Variants in SNAP91 observed in about 807,000 individuals in gnomAD.
The protein encoded by SNAP91 is clathrin coat assembly protein AP180.
Under a neutral mutation model 100.3 loss-of-function variants are expected in SNAP91, and 27 were observed. That is an observed-to-expected ratio of 0.27 (90% CI 0.20 to 0.37). The LOEUF is 0.37. SNAP91 is among the 10% of genes least tolerant of loss of function. The pLI is 1.00. For missense variants in SNAP91, 986 were observed against 1,123.7 expected, an observed-to-expected ratio of 0.88 and a Z score of 1.75; for synonymous variants, 404 against 398.6, an observed-to-expected ratio of 1.01 and a Z score of -0.16.
At chr6:83,590,117 G>A (rs1031973971) in intron 22 of SNAP91, among the ~76,000 whole-genome samples, 2 of 152,080 alleles carry the variant, frequency 1.3e-5, no homozygotes, top group Admixed American at 6.6e-5. Context: ...TGTGGTGACT[G>A]TGGAGGGGCC....
At chr6:83,578,113 T>C (rs991545520) in intron 24 of SNAP91, among the ~76,000 whole-genome samples, 1 of 152,166 alleles carries the variant, frequency 6.6e-6, no homozygotes, top group African/African-American at 2.4e-5. Context: ...TTTTTATCCA[T>C]TCATCAAGTG....
chr6:83,583,405 C>T (rs1831292499), intron 22 of SNAP91, among the ~76,000 whole-genome samples: 1 of 152,162 alleles, frequency 6.6e-6, no homozygotes, highest in Admixed American at 6.5e-5. Flanking sequence ...ATGAAGGACA[C>T]TTTTGAATAT....
chr6:83,706,253 G>A (rs138883168), intron 2 of SNAP91, among the ~76,000 whole-genome samples: 65 of 152,270 alleles, frequency 4.3e-4, no homozygotes, highest in Admixed American at 1.0e-3. Context: ...TTATTATGAG[G>A]ATTTTCTAGA....
intron 26 of SNAP91, among the ~76,000 whole-genome samples, chr6:83,571,911 G>C (rs749780135): frequency 6.6e-6 from 1 of 152,130 alleles, no homozygotes; most frequent in Non-Finnish European, 1.5e-5. Flanking sequence ...TCTGGTGATA[G>C]TGAGTAAGTC....
intron 22 of SNAP91, among the ~76,000 whole-genome samples, chr6:83,585,474 A>C (rs944660493): frequency 3.3e-5 from 5 of 151,788 alleles, no homozygotes; most frequent in African/African-American, 1.2e-4. Context: ...GGCTGCAGTG[A>C]GCTATGTTCA....
At chr6:83,617,588 C>T (rs1289815413) in intron 9 of SNAP91, among the ~76,000 whole-genome samples, 2 of 151,120 alleles carry the variant, frequency 1.3e-5, no homozygotes, top group Non-Finnish European at 3.0e-5. Flanking sequence ...TATTATTGAC[C>T]TATTTATATA....
intron 20 of SNAP91, 68 bp from the exon 21 acceptor site, chr6:83,592,606 A>C (rs2093926278): frequency 7.9e-7 from 1 of 1,265,678 alleles, no homozygotes; most frequent in African/African-American, 1.5e-5. Context: ...GAGCCTTGAC[A>C]AATGGCATCT....
intron 26 of SNAP91, 113 bp downstream of exon 26, chr6:83,574,897 A>G (rs1351353479): frequency 7.7e-6 from 5 of 645,886 alleles, no homozygotes; most frequent in Admixed American, 6.2e-5. Flanking sequence ...TATTTCTTCA[A>G]TGCAGAGGAA....
intron 2 of SNAP91, among the ~76,000 whole-genome samples, chr6:83,674,694 C>A (rs1461871665): frequency 6.6e-6 from 1 of 152,074 alleles, no homozygotes; most frequent in Non-Finnish European, 1.5e-5. Context: ...AGAGCCCTTT[C>A]TAAGTTCAGT....
At chr6:83,650,855 CT>C (rs2098172207) in intron 7 of SNAP91, among the ~76,000 whole-genome samples, 2 of 152,154 alleles carry the variant, frequency 1.3e-5, no homozygotes, top group Non-Finnish European at 2.9e-5. Context: ...CACTTAAATG[CT>C]TGGTAGAATT....
chr6:83,707,664 A>T (rs2099398737), intron 2 of SNAP91, 134 bp downstream of exon 2: 3 of 1,206,732 alleles, frequency 2.5e-6, no homozygotes, highest in Non-Finnish European at 2.3e-6. Context: ...ACAGCTGAAG[A>T]ATTTCAGCTC....
intron 2 of SNAP91, among the ~76,000 whole-genome samples, chr6:83,672,205 A>C (rs1467207346): frequency 6.6e-6 from 1 of 152,092 alleles, no homozygotes. Flanking sequence ...CACTCTATAG[A>C]GAGCTCATCT....
Position 83,593,625 on chromosome 6 carries a change from G to A in SNAP91, c.1549C>T (p.Pro517Ser). Residue 517 changes from proline to serine, a missense_variant, in exon 18 of 30, where the codon CCA (proline) becomes TCA (serine). This residue lies in a region of SNAP91 where 575 missense variants were observed against 579.9 expected (regional missense o/e 0.99). Transcript: ENST00000369694. ...VVTPTASTAP[P>S]VPATAPSPAP... Reference sequence around the variant, plus strand: ...GGAGAAGGAGCAGTTGCGGGAACTGGAGGGGCTGTGCTAGCTGTAGGGGTA... The same window carrying A: ...GGAGAAGGAGCAGTTGCGGGAACTGAAGGGGCTGTGCTAGCTGTAGGGGTA... 1.9e-6 allele frequency: 3 copies of A among 1,610,792 alleles called. No homozygotes were observed. The highest frequency in any genetic ancestry group is 2.5e-6 in the Non-Finnish European group (3 of 1,178,362).
intron 16 of SNAP91, among the ~76,000 whole-genome samples, chr6:83,598,117 G>A (rs887583677): frequency 3.3e-5 from 5 of 152,078 alleles, no homozygotes; most frequent in Non-Finnish European, 7.4e-5. Context: ...ACCCTGTGTT[G>A]TTCAAATCAA....
At chr6:83,640,504 T>A (rs2097652106) in intron 8 of SNAP91, among the ~76,000 whole-genome samples, 1 of 152,148 alleles carries the variant, frequency 6.6e-6, no homozygotes, top group African/African-American at 2.4e-5. Context: ...TTAATTGGAT[T>A]TTATAAGAGA....
chr6:83,567,515 G>A (rs1355073701), intron 26 of SNAP91, among the ~76,000 whole-genome samples: 3 of 152,106 alleles, frequency 2.0e-5, no homozygotes, highest in African/African-American at 7.2e-5. Flanking sequence ...TCAATGAAAC[G>A]AAAGAGCTTC....
At chr6:83,692,635 G>A (rs1490705763) in intron 2 of SNAP91, among the ~76,000 whole-genome samples, 1 of 152,102 alleles carries the variant, frequency 6.6e-6, no homozygotes, top group East Asian at 1.9e-4. Flanking sequence ...AAGCAGCAGA[G>A]CCTGGAATTA....
At position 83,709,058 on chromosome 6, in the gene SNAP91, C is replaced by G. The variant is rs1200415850; in HGVS notation, c.-244G>C. Reference sequence around the variant, plus strand: ...GAAGCCAGTACCCGCCCGCCGCCGCCTCTTCTGCCAGCGCCGCCGCGTCTC... The same window carrying G: ...GAAGCCAGTACCCGCCCGCCGCCGCGTCTTCTGCCAGCGCCGCCGCGTCTC... On this transcript the variant is annotated 5_prime_UTR_variant, in exon 1 of 30. Coordinates refer to ENST00000369694, the MANE Select transcript of SNAP91 (RefSeq NM_001242792.2). The G allele has an allele frequency of 3.9e-5, 6 of 153,562 alleles. No homozygotes were observed. In the Admixed American group the frequency reaches 3.9e-4, roughly 10 times the overall value. 9.5% of individuals were successfully genotyped at this position (153,562 alleles called of 1,614,324 possible).
At chr6:83,661,772 T>A (rs188219683) in intron 4 of SNAP91, among the ~76,000 whole-genome samples, 168 bp from the exon 5 acceptor site, 2 of 152,334 alleles carry the variant, frequency 1.3e-5, no homozygotes, top group Non-Finnish European at 2.9e-5. Context: ...CAAAAATACT[T>A]TTGCCATGAG....
Sources: gnomAD v4.1 joint callset for allele counts (sites outside exome capture counted in the v4.1 genomes callset) on GRCh38, gnomAD v4.1.1 for gene constraint, gnomAD v4.1.1 regional missense constraint, MANE v1.5 for transcripts, NCBI Gene and HGNC (gene_info 2026-07-23, HGNC 2026-07-21) for gene names.